The following APOC2 variants were observed in gnomAD, a reference collection of about 807,000 sequenced individuals.
APOC2 encodes the protein apolipoprotein C2, also known as apolipoprotein C-II.
In APOC2, 6 loss-of-function variants were observed where a neutral mutation model predicts 10.2. The observed-to-expected ratio is 0.59, with a 90% confidence interval of 0.32 to 1.16. The LOEUF is 1.16. APOC2 is among the 50% of genes most tolerant of loss of function. The probability of loss-of-function intolerance (pLI) is 0.05; values close to 1 mark genes in which losing one functional copy is unlikely to be tolerated. For synonymous variants in APOC2, 56 were observed against 48.5 expected (o/e 1.15, Z -0.64); for missense variants, 110 against 117.6 (o/e 0.94, Z 0.30).
chr19:44,946,535 A>G (rs1431561265), intron 1 of APOC2, among the ~76,000 whole-genome samples: 4 of 152,072 alleles, frequency 2.6e-5, no homozygotes, highest in Admixed American at 6.6e-5. Context: ...AAGAGAAAGA[A>G]AAAGGGATAG....
intron 1 of APOC2, among the ~76,000 whole-genome samples, chr19:44,946,346 T>G (rs1275231418): frequency 2.0e-5 from 3 of 151,708 alleles, no homozygotes; most frequent in Non-Finnish European, 4.4e-5. Context: ...GGACTACAGG[T>G]GCACCACCAC....
chr19:44,949,212 C>T lies in APOC2; in HGVS notation c.269C>T (p.Thr90Ile). 1 of 1,614,076 alleles carries T rather than the reference C, an allele frequency of 6.2e-7. No individual in the cohort carries two copies. The highest frequency in any genetic ancestry group is 1.1e-5 in the South Asian group (1 of 91,052). Residue 90 changes from threonine (T) to isoleucine (I), a missense_variant, in exon 4 of 4, where the codon ACT becomes ATT. Physicochemically the swap from Thr to Ile is moderately conservative, Grantham distance 89 (BLOSUM62 -1). Transcript: ENST00000252490. Reference protein sequence around the residue: ...AAMSTYTGIFTDQVLSVLKGE... With the variant: ...AAMSTYTGIFIDQVLSVLKGE... ...ATGAGCACTTACACAGGCATTTTTACTGACCAAGTTCTTTCTGTGCTGAAG... is the reference window on the plus strand; with the variant it reads ...ATGAGCACTTACACAGGCATTTTTATTGACCAAGTTCTTTCTGTGCTGAAG...
intron 1 of APOC2, among the ~76,000 whole-genome samples, chr19:44,947,512 A>T (rs1970334860): frequency 6.6e-6 from 1 of 152,198 alleles, no homozygotes; most frequent in Non-Finnish European, 1.5e-5. Context: ...AAAGCCTTCT[A>T]GGCTGGGCTC....
At position 44,949,173 on chromosome 19, in the gene APOC2, A is replaced by G. The variant is rs1295045282; in HGVS notation, c.230A>G (p.Lys77Arg). 1 of 1,613,978 alleles carries G rather than the reference A, an allele frequency of 6.2e-7. No homozygotes were observed. Among genetic ancestry groups the G allele is most frequent in the Non-Finnish European group, 8.5e-7 (1 of 1,179,994 alleles). The change falls in exon 4 of 4, where the codon AAA becomes AGA. Residue 77 changes from lysine (K) to arginine (R), a missense_variant. Coordinates refer to ENST00000252490, the MANE Select transcript of APOC2 (RefSeq NM_000483.5). Reference protein sequence around the residue: ...VDEKLRDLYSKSTAAMSTYTG... With the variant: ...VDEKLRDLYSRSTAAMSTYTG... Reference sequence around the variant, plus strand: ...TTTCTCCCCAGGGACTTGTACAGCAAAAGCACAGCAGCCATGAGCACTTAC... The same window carrying G: ...TTTCTCCCCAGGGACTTGTACAGCAGAAGCACAGCAGCCATGAGCACTTAC...
rs1457973666 is a variant in APOC2 at position 44,949,315 on chromosome 19, C to T, written c.*66C>T. The T allele has an allele frequency of 4.8e-6, 6 of 1,256,656 alleles. 1 individual carries two copies. Among genetic ancestry groups the T allele is most frequent in the Non-Finnish European group, 4.6e-6 (4 of 868,608 alleles). 77.8% of individuals were successfully genotyped at this position (1,256,656 alleles called of 1,614,324 possible). ...ACTCCCCTGATCCCCCAGGTTCAGA[C>T]TGAGCTCCCCCTTCCCAGTAGCTCT... is the stretch of plus-strand genomic sequence containing the variant. On this transcript the variant is annotated 3_prime_UTR_variant, in exon 4 of 4. Transcript: ENST00000252490.
At chr19:44,948,389 C>G (rs546164458) in intron 1 of APOC2, 77 bp from the exon 2 acceptor site, 51 of 1,252,754 alleles carry the variant, frequency 4.1e-5, no homozygotes, top group African/African-American at 3.4e-4. Context: ...CTCAGTCCCC[C>G]CCACCAGAGT....
Position 44,948,594 on chromosome 19 carries a change from C to G in APOC2, c.55+61C>G. Reference sequence around the variant, plus strand: ...AGGGGAATGAGCTCCAAGCATCTTCCCAGCCCAGGCCCTTCTTACCTCTGC... The same window carrying G: ...AGGGGAATGAGCTCCAAGCATCTTCGCAGCCCAGGCCCTTCTTACCTCTGC... On this transcript the variant is annotated intron_variant, in intron 2 of 3. Transcript: ENST00000252490. 5 of 1,604,898 alleles carry G rather than the reference C, an allele frequency of 3.1e-6. No homozygotes were observed. In the South Asian group the frequency reaches 5.5e-5, roughly 18 times the overall value.
chr19:44,946,700 T>G (rs1799699688), intron 1 of APOC2, among the ~76,000 whole-genome samples: 1 of 151,986 alleles, frequency 6.6e-6, no homozygotes, highest in African/African-American at 2.4e-5. Context: ...CATATGCCTG[T>G]AATCCCAGCT....
At chr19:44,946,234 T>TGTGTGTGTGTGTGTGTGAGAGA (rs1236986911) in intron 1 of APOC2, among the ~76,000 whole-genome samples, 159 bp downstream of exon 1, 33 of 132,898 alleles carry the variant, frequency 2.5e-4, no homozygotes, top group African/African-American at 9.5e-4. Flanking sequence ...TGTGTGTGTG[T>TGTGTGTGTGTGTGTGTGAGAGA]GAGAGAGAGA....
At position 44,949,513 on chromosome 19, in the gene APOC2, G is replaced by C; in HGVS notation, c.*264G>C. The C allele has an allele frequency of 3.8e-6, 2 of 522,522 alleles. No homozygotes were observed. Among genetic ancestry groups the C allele is most frequent in the South Asian group, 4.3e-5 (2 of 46,234 alleles). The allele number at this position is 522,522 out of a possible 1,614,324, so 32.4% of individuals were successfully genotyped here. A position where few individuals can be genotyped will look rare whatever the true frequency, so the allele number is the denominator to read the frequency against. The stretch of plus-strand genomic sequence containing the variant: ...CTTTATGTATGGAGCTCTAACCCAT[G>C]GGTCCATGGGAATAAAGCAGTGAAT... On this transcript the variant is annotated 3_prime_UTR_variant, in exon 4 of 4. Transcript: ENST00000252490.
chr19:44,949,443 G>C lies in APOC2; in HGVS notation c.*194G>C. The stretch of plus-strand genomic sequence containing the variant: ...GCTTTTCTGAGGACTCAAGGGCCAA[G>C]ATGGAGGGGCTGACTCAGTCCAGCC... On this transcript the variant is annotated 3_prime_UTR_variant, in exon 4 of 4. Coordinates refer to ENST00000252490, the MANE Select transcript of APOC2 (RefSeq NM_000483.5). 1.6e-6 allele frequency: 1 copy of C among 620,616 alleles called. No homozygotes were observed. Among genetic ancestry groups the C allele is most frequent in the Non-Finnish European group, 2.9e-6 (1 of 343,524 alleles). The allele number at this position is 620,616 out of a possible 1,614,324, so 38.4% of individuals were successfully genotyped here.
intron 2 of APOC2, 83 bp from the exon 3 acceptor site, chr19:44,948,618 G>A (rs1970348741): frequency 3.7e-6 from 6 of 1,603,988 alleles, no homozygotes; most frequent in Admixed American, 1.7e-5. Context: ...TCTTACCTCT[G>A]CCTCTGCCCT....
rs1236986911 is a variant in APOC2 at position 44,946,234 on chromosome 19, T to TGTGTGAGA, written c.-14+160_-14+161insTGTGAGAG. On this transcript the variant is annotated intron_variant, in intron 1 of 3. Transcript: ENST00000252490. ...GTGTGTGTGTGTGTGTGTGTGTGTGTGAGAGAGAGAGAGAGGGAGATGGAG... is the reference window on the plus strand; with the variant it reads ...GTGTGTGTGTGTGTGTGTGTGTGTGTGTGTGAGAGAGAGAGAGAGAGAGGGAGATGGAG... Among the ~76,000 whole-genome samples, 775 of 132,828 alleles carry TGTGTGAGA rather than the reference T, an allele frequency of 5.8e-3. 11 individuals carry two copies. Among genetic ancestry groups the TGTGTGAGA allele is most frequent in the African/African-American group, 0.021 (723 of 33,642 alleles). 87.1% of individuals were successfully genotyped at this position (132,828 alleles called of 152,430 possible).
chr19:44,948,611 TA>T, intron 2 of APOC2, 78 bp downstream of exon 2: 1 of 1,604,212 alleles, frequency 6.2e-7, no homozygotes, highest in Non-Finnish European at 8.5e-7. Context: ...AGGCCCTTCT[TA>T]CCTCTGCCTC....
chr19:44,948,654 C>G, intron 2 of APOC2, 47 bp from the exon 3 acceptor site: 2 of 1,612,166 alleles, frequency 1.2e-6, no homozygotes, highest in South Asian at 1.1e-5. Flanking sequence ...CCTCCTTTCC[C>G]CCTGCTGCAG....
intron 1 of APOC2, among the ~76,000 whole-genome samples, chr19:44,946,468 G>C (rs1305631873): frequency 6.6e-6 from 1 of 152,138 alleles, no homozygotes; most frequent in Non-Finnish European, 1.5e-5. Context: ...GATGCAGTGA[G>C]CTGTGATCTT....
rs1970346498 is a variant in APOC2 at position 44,948,468 on chromosome 19, C to A, written c.-11C>A. ...ATGACACCCCCTCAATGTTCCAGGT[C>A]TCTGGACACTATGGGCACACGACTC... On this transcript the variant is annotated splice_region_variant and 5_prime_UTR_variant, in exon 2 of 4. Coordinates refer to ENST00000252490, the MANE Select transcript of APOC2 (RefSeq NM_000483.5). 1 of 1,613,822 alleles carries A rather than the reference C, an allele frequency of 6.2e-7. No individual in the cohort carries two copies. Among genetic ancestry groups the A allele is most frequent in the African/African-American group, 1.3e-5 (1 of 74,994 alleles).
intron 1 of APOC2, among the ~76,000 whole-genome samples, chr19:44,947,899 C>G (rs994152610): frequency 2.0e-5 from 3 of 152,140 alleles, no homozygotes; most frequent in Non-Finnish European, 4.4e-5. Context: ...GAAACCCCAT[C>G]TCTACTAAAA....
At chr19:44,948,437 T>A in intron 1 of APOC2, 29 bp from the exon 2 acceptor site, 1 of 1,601,218 alleles carries the variant, frequency 6.2e-7, no homozygotes, top group Non-Finnish European at 8.6e-7. Flanking sequence ...CCAGTCAGCC[T>A]GCCACATGAC....
Sources: gnomAD v4.1 joint callset for allele counts (sites outside exome capture counted in the v4.1 genomes callset) on GRCh38, gnomAD v4.1.1 for gene constraint, MANE v1.5 for transcripts, NCBI Gene and HGNC (gene_info 2026-07-23, HGNC 2026-07-21) for gene names.